Variants in ZNF324B observed in about 807,000 individuals in gnomAD.
The protein encoded by ZNF324B is zinc finger protein 324B.
A neutral mutation model predicts 10.6 loss-of-function variants in ZNF324B; 7 were observed. The ratio of observed to expected loss-of-function variants is 0.66; its 90% CI spans 0.38 to 1.24. The LOEUF (loss-of-function observed/expected upper bound fraction) is 1.24. ZNF324B is among the 50% of genes most tolerant of loss of function. The pLI is 0.02. For missense variants in ZNF324B, 640 were observed against 764.7 expected, an observed-to-expected ratio of 0.84 and a Z score of 1.92; for synonymous variants, 316 against 321.0, an observed-to-expected ratio of 0.98 and a Z score of 0.17.
chr19:58,439,717 C>T, the ZNF324B span: 28 of 1,491,358 alleles, frequency 1.9e-5, no homozygotes, highest in African/African-American at 1.2e-4. Flanking sequence ...TCCTGAGGGC[C>T]GGAATCCCAG....
the ZNF324B span, among the ~76,000 whole-genome samples, chr19:58,438,601 G>A: frequency 7.3e-3 from 1,109 of 151,178 alleles, 9 homozygotes; most frequent in Non-Finnish European, 0.011. Context: ...AGCCTCCCGA[G>A]TAGCTGGGAC....
At chr19:58,434,299 C>A in the ZNF324B span, 2 of 1,613,970 alleles carry the variant, frequency 1.2e-6, no homozygotes, top group African/African-American at 1.3e-5. Flanking sequence ...GCTGAAGGCT[C>A]TTCCACATTT....
the ZNF324B span, chr19:58,429,731 A>T: frequency 2.0e-5 from 3 of 152,228 alleles, no homozygotes; most frequent in Non-Finnish European, 2.9e-5. Flanking sequence ...GTCATACCAA[A>T]ATCTAAAGCC....
chr19:58,434,239 G>A, the ZNF324B span: 1 of 1,614,116 alleles, frequency 6.2e-7, no homozygotes, highest in Non-Finnish European at 8.5e-7. Flanking sequence ...GCACTCATAA[G>A]GTCTTACCTG....
At chr19:58,419,206 T>C in the ZNF324B span, 44 of 152,168 alleles carry the variant, frequency 2.9e-4, 2 homozygotes, top group Non-Finnish European at 1.5e-5. Flanking sequence ...TATATGTTTA[T>C]GGACATAAAA....
At chr19:58,438,702 T>C in the ZNF324B span, among the ~76,000 whole-genome samples, 2 of 151,838 alleles carry the variant, frequency 1.3e-5, no homozygotes, top group African/African-American at 2.4e-5. Context: ...CTCAATCTCC[T>C]GACCTAGTGA....
chr19:58,439,706 A>C, the ZNF324B span: 2 of 1,483,746 alleles, frequency 1.3e-6, no homozygotes, highest in Non-Finnish European at 1.8e-6. Context: ...GGGCTTCAGG[A>C]TCCTGAGGGC....
the ZNF324B span, among the ~76,000 whole-genome samples, chr19:58,435,984 C>A: frequency 6.6e-6 from 1 of 152,174 alleles, no homozygotes; most frequent in Non-Finnish European, 1.5e-5. Context: ...AAACTGTAGT[C>A]TTTCTATACA....
chr19:58,435,755 A>T, the ZNF324B span: 6 of 154,942 alleles, frequency 3.9e-5, no homozygotes, highest in African/African-American at 1.4e-4. Context: ...AAAAATGTGT[A>T]CAGGACTGTT....
At chr19:58,433,553 C>G in the ZNF324B span, 1 of 1,614,162 alleles carries the variant, frequency 6.2e-7, no homozygotes, top group Non-Finnish European at 8.5e-7. Context: ...CTCCCACATT[C>G]ACTGCATTCG....
At chr19:58,435,346 C>T in the ZNF324B span, 10 of 1,013,658 alleles carry the variant, frequency 9.9e-6, no homozygotes, top group Non-Finnish European at 1.4e-5. Flanking sequence ...GGGCCATCAT[C>T]AGGGTGAAGA....
intron 1 of ZNF324B, 74 bp from the exon 2 acceptor site, chr19:58,453,622 T>C: frequency 6.3e-7 from 1 of 1,582,684 alleles, no homozygotes; most frequent in Non-Finnish European, 8.6e-7. Flanking sequence ...AGGTGACTGT[T>C]GGGATGGGGA....
the ZNF324B span, among the ~76,000 whole-genome samples, chr19:58,427,435 C>T: frequency 1.1e-4 from 4 of 37,860 alleles, no homozygotes; most frequent in South Asian, 8.5e-4. Flanking sequence ...TCCTTCCTTC[C>T]TTCCTTCCTT....
rs2052913727 is a variant in ZNF324B, at chr19:58,455,871, C to T, written c.927C>T (p.Gly309=). ...CGCAGCACCAGCGCATCCACAGCGGCGAGACGCCCTACGCGTGCCCCGTGT... is the reference window on the plus strand; with the variant it reads ...CGCAGCACCAGCGCATCCACAGCGGTGAGACGCCCTACGCGTGCCCCGTGT... ...HLTQHQRIHS[G]ETPYACPVCG... is the part of the protein sequence containing the mutation. The change falls in exon 4 of 4, where the codon GGC becomes GGT. Residue 309 remains glycine, a synonymous_variant. Coordinates refer to ENST00000336614, the MANE Select transcript of ZNF324B (RefSeq NM_207395.3). This position sits in a 1 kb window ranked among gnomAD's most constrained non-coding sequence, Gnocchi z 7.0. 2.5e-6 allele frequency: 4 copies of T among 1,608,930 alleles called. No homozygotes were observed. The highest frequency in any genetic ancestry group is 1.3e-5 in the African/African-American group (1 of 74,848).
At chr19:58,421,402 A>AT in the ZNF324B span, among the ~76,000 whole-genome samples, 79 of 151,628 alleles carry the variant, frequency 5.2e-4, no homozygotes, top group Middle Eastern at 3.4e-3. Flanking sequence ...CCACATTGTA[A>AT]TTTTTTTTTC....
At chr19:58,435,075 C>G in the ZNF324B span, 3 of 1,614,106 alleles carry the variant, frequency 1.9e-6, no homozygotes, top group South Asian at 1.1e-5. Flanking sequence ...AAATGTCTTT[C>G]AAGAATGGCC....
At chr19:58,434,558 A>G in the ZNF324B span, 8 of 1,613,850 alleles carry the variant, frequency 5.0e-6, no homozygotes, top group African/African-American at 1.3e-5. Flanking sequence ...GCCTTCCCAC[A>G]CTCCTTACAC....
chr19:58,419,098 C>A, the ZNF324B span: 2 of 152,064 alleles, frequency 1.3e-5, no homozygotes, highest in African/African-American at 4.8e-5. Flanking sequence ...TGTATTGGCC[C>A]CTGAGTCCTC....
At chr19:58,433,474 C>CACTCATAGGGCCT in the ZNF324B span, 1 of 1,613,802 alleles carries the variant, frequency 6.2e-7, no homozygotes. Flanking sequence ...ACACTGGATG[C>CACTCATAGGGCCT]ACTCATAGGG....
Sources: gnomAD v4.1 joint callset for allele counts (sites outside exome capture counted in the v4.1 genomes callset) on GRCh38, gnomAD v4.1.1 for gene constraint, Gnocchi (gnomAD v3.1) non-coding constraint, MANE v1.5 for transcripts, NCBI Gene and HGNC (gene_info 2026-07-23, HGNC 2026-07-21) for gene names.